The following PEX14 variants were observed in gnomAD, a reference collection of about 807,000 sequenced individuals.
PEX14 encodes the protein peroxisomal membrane protein PEX14.
In PEX14, 15 loss-of-function variants were observed where a neutral mutation model predicts 49.5. The observed-to-expected ratio is 0.30, with a 90% confidence interval of 0.20 to 0.47. PEX14 has a LOEUF of 0.47. Ranked by LOEUF, PEX14 falls within the 20% of genes least tolerant of loss-of-function variation. The probability of loss-of-function intolerance (pLI) is 1.00; values close to 1 mark genes in which losing one functional copy is unlikely to be tolerated. For missense variants in PEX14, 398 were observed against 494.8 expected (o/e 0.80, Z 1.86); for synonymous variants, 210 against 212.7 (o/e 0.99, Z 0.11).
rs548840489 is a variant in PEX14, at chr1:10,521,082, T to C, written c.85-15131T>C. Among the ~76,000 whole-genome samples, 319 of 151,918 alleles carry C rather than the reference T, an allele frequency of 2.1e-3. 4 individuals are homozygous for C. The highest frequency in any genetic ancestry group is 6.6e-4 in the Non-Finnish European group (45 of 67,926). On this transcript the variant is annotated intron_variant, in intron 2 of 8. Transcript: ENST00000356607. ...CCCCTTAAAGAAGTTTTCTTTTCCA[T>C]TTCTCTTTTTCTTCCTCTCTTCCTG...
intron 1 of PEX14, among the ~76,000 whole-genome samples, chr1:10,486,741 G>A (rs1284131847): frequency 6.8e-6 from 1 of 148,088 alleles, no homozygotes; most frequent in Admixed American, 6.8e-5. Flanking sequence ...AGGCTGGAGT[G>A]CAGTGGCGCG....
chr1:10,564,568 C>T lies in PEX14; in HGVS notation c.169+28271C>T, dbSNP rs78315770. Reference sequence around the variant, plus strand: ...CTGGGACTACAGGTGTGAGCAACCACACCTGGCCTGATTTTTCTTTTTCTT... The same window carrying T: ...CTGGGACTACAGGTGTGAGCAACCATACCTGGCCTGATTTTTCTTTTTCTT... On this transcript the variant is annotated intron_variant, in intron 3 of 8. Coordinates refer to ENST00000356607, the MANE Select transcript of PEX14 (RefSeq NM_004565.3). 2.9e-3 allele frequency among the ~76,000 whole-genome samples: 437 copies of T among 150,844 alleles called. 2 individuals carry two copies. The highest frequency in any genetic ancestry group is 9.8e-3 in the African/African-American group (403 of 41,118).
intron 2 of PEX14, among the ~76,000 whole-genome samples, chr1:10,534,215 G>A (rs1020699219): frequency 1.3e-5 from 2 of 152,200 alleles, no homozygotes; most frequent in African/African-American, 4.8e-5. Context: ...CTTGTGTGTT[G>A]AAGGTGTATT....
chr1:10,618,659 C>T (rs1297175185), intron 5 of PEX14, among the ~76,000 whole-genome samples: 2 of 152,266 alleles, frequency 1.3e-5, no homozygotes, highest in African/African-American at 4.8e-5. Context: ...CCCAGATCTC[C>T]ACTTGCAGGG....
intron 2 of PEX14, among the ~76,000 whole-genome samples, chr1:10,508,008 A>G (rs928294078): frequency 6.6e-5 from 10 of 152,138 alleles, no homozygotes; most frequent in African/African-American, 2.4e-4. Context: ...ACTTTCCCCC[A>G]TGGGCACGTG....
intron 3 of PEX14, among the ~76,000 whole-genome samples, chr1:10,540,662 A>G (rs1638975450): frequency 6.6e-6 from 1 of 152,110 alleles, no homozygotes; most frequent in South Asian, 2.1e-4. Context: ...GCTTTACTTT[A>G]TAATTAATTC....
chr1:10,557,835 T>A (rs1425208753), intron 3 of PEX14, among the ~76,000 whole-genome samples: 1 of 19,226 alleles, frequency 5.2e-5, no homozygotes, highest in African/African-American at 1.2e-4. Flanking sequence ...TTTGCCTACC[T>A]TTTTTTTTTT....
intron 4 of PEX14, among the ~76,000 whole-genome samples, chr1:10,603,637 T>C (rs561270135): frequency 1.3e-4 from 20 of 152,248 alleles, no homozygotes; most frequent in African/African-American, 4.8e-4. Context: ...AGTCAGTGCA[T>C]GTGTATAGGT....
At chr1:10,577,563 T>TA (rs1557854885) in intron 3 of PEX14, among the ~76,000 whole-genome samples, 8 of 2,458 alleles carry the variant, frequency 3.3e-3, no homozygotes, top group African/African-American at 7.5e-3. Context: ...TATATATATA[T>TA]TTTTTTTTTT....
chr1:10,518,349 C>G (rs994133719), intron 2 of PEX14, among the ~76,000 whole-genome samples: 4 of 152,110 alleles, frequency 2.6e-5, no homozygotes, highest in African/African-American at 9.7e-5. Context: ...GACTGAACAG[C>G]TACACACGGC....
chr1:10,621,952 G>A (rs949599205), intron 5 of PEX14, among the ~76,000 whole-genome samples: 4 of 151,956 alleles, frequency 2.6e-5, no homozygotes, highest in South Asian at 2.1e-4. Context: ...AGTTATCCCC[G>A]GGCAGCTCCT....
chr1:10,483,489 T>A (rs1359105711), intron 1 of PEX14, among the ~76,000 whole-genome samples: 1 of 151,982 alleles, frequency 6.6e-6, no homozygotes, highest in Non-Finnish European at 1.5e-5. Flanking sequence ...GCTAACTTTT[T>A]ATATTTCAGT....
rs890367654 is a variant in PEX14, at chr1:10,512,102, G to T, written c.84+16781G>T. Among the ~76,000 whole-genome samples, 3 of 152,128 alleles carry T rather than the reference G, an allele frequency of 2.0e-5. No individual in the cohort carries two copies. Among genetic ancestry groups the T allele is most frequent in the African/African-American group, 7.2e-5 (3 of 41,404 alleles). On this transcript the variant is annotated intron_variant, in intron 2 of 8. Transcript: ENST00000356607. This position sits in a 1 kb window ranked among gnomAD's most constrained non-coding sequence, Gnocchi z 4.6. ...AGCTTCCCGAATAACTGGGACTACAGGCGCCTGCCCCCACGCTCGGCTAAT... is the reference window on the plus strand; with the variant it reads ...AGCTTCCCGAATAACTGGGACTACATGCGCCTGCCCCCACGCTCGGCTAAT...
intron 2 of PEX14, among the ~76,000 whole-genome samples, chr1:10,534,664 C>G (rs534428223): frequency 1.3e-5 from 2 of 151,950 alleles, no homozygotes; most frequent in South Asian, 2.1e-4. Flanking sequence ...TGGTTCATGA[C>G]GGTGGTTAGT....
rs571455961 is a variant in PEX14, at chr1:10,490,428, A to C, written c.37-4846A>C. 7.2e-5 allele frequency among the ~76,000 whole-genome samples: 11 copies of C among 152,312 alleles called. No homozygotes were observed. In the South Asian group the frequency reaches 2.3e-3, roughly 32 times the overall value. ...TGCTTGTGAGGTTGTTCTTTGTTGG[A>C]CAGCAGGTCAGGATCTGGGAACGCC... On this transcript the variant is annotated intron_variant, in intron 1 of 8. Transcript: ENST00000356607.
intron 3 of PEX14, among the ~76,000 whole-genome samples, chr1:10,561,877 A>C (rs1053375494): frequency 9.9e-5 from 15 of 151,522 alleles, no homozygotes; most frequent in African/African-American, 3.4e-4. Context: ...TCTCACTTTC[A>C]TTTGAGTGTT....
intron 3 of PEX14, among the ~76,000 whole-genome samples, chr1:10,540,992 A>G (rs539268829): frequency 6.6e-6 from 1 of 152,348 alleles, no homozygotes; most frequent in African/African-American, 2.4e-5. Context: ...AGAGGTCCCC[A>G]TTCTGAGAAA....
chr1:10,544,832 G>T (rs1205241547), intron 3 of PEX14, among the ~76,000 whole-genome samples: 2 of 151,852 alleles, frequency 1.3e-5, no homozygotes, highest in Non-Finnish European at 2.9e-5. Flanking sequence ...CGTGATTACG[G>T]TTCACTGCAG....
intron 1 of PEX14, among the ~76,000 whole-genome samples, chr1:10,475,226 C>T (rs1641174484): frequency 7.0e-6 from 1 of 142,560 alleles, no homozygotes; most frequent in Non-Finnish European, 1.5e-5. Flanking sequence ...TGGTGTTTGG[C>T]TGTGCCCCCG....
Sources: allele counts gnomAD v4.1 joint callset (sites outside exome capture counted in the v4.1 genomes callset), GRCh38; gene constraint gnomAD v4.1.1; non-coding constraint Gnocchi (gnomAD v3.1); transcripts MANE v1.5; gene names NCBI Gene and HGNC (gene_info 2026-07-23, HGNC 2026-07-21).